CADPS: variants seen among roughly 807,000 people sequenced by gnomAD.
CADPS encodes the protein calcium dependent secretion activator.
CADPS carries 57 observed loss-of-function variants against 167.3 expected under a neutral mutation model. The observed-to-expected ratio is 0.34, with a 90% CI of 0.28 to 0.42. The LOEUF is 0.42. Ranked by LOEUF, CADPS falls within the 20% of genes least tolerant of loss-of-function variation. The pLI, the probability that CADPS is intolerant of heterozygous loss-of-function variation, is 1.00. For missense variants in CADPS, 1,414 were observed against 1,738.1 expected (o/e 0.81, Z 3.32); for synonymous variants, 676 against 635.3 (o/e 1.06, Z -0.96).
intron 3 of CADPS, among the ~76,000 whole-genome samples, chr3:62,720,476 C>T (rs1339982670): frequency 6.6e-6 from 1 of 151,990 alleles, no homozygotes; most frequent in East Asian, 1.9e-4. Flanking sequence ...GGACTACAGA[C>T]ATGCATGTAC....
At chr3:62,488,995 C>T (rs931576088) in intron 21 of CADPS, among the ~76,000 whole-genome samples, 1 of 152,090 alleles carries the variant, frequency 6.6e-6, no homozygotes, top group Non-Finnish European at 1.5e-5. Flanking sequence ...CTTTAAATTG[C>T]CCATGCAAGA....
rs767272938 is a variant in CADPS at position 62,532,744 on chromosome 3, TGTG to T, written c.2291+124_2291+126del. The T allele has an allele frequency of 2.1e-4, 137 of 650,396 alleles. 2 individuals carry two copies. The highest frequency in any genetic ancestry group is 8.6e-4 in the Middle Eastern group (2 of 2,314). 40.3% of individuals were successfully genotyped at this position (650,396 alleles called of 1,614,324 possible). On this transcript the variant is annotated intron_variant, in intron 13 of 29. Transcript: ENST00000383710. ...GTGTGTGTGTGTGTGTGTGTGTGTG[TGTG>T]TGTACGTGTGCACATACCACCGAAG...
intron 3 of CADPS, among the ~76,000 whole-genome samples, chr3:62,680,152 G>A (rs1272908980): frequency 6.6e-6 from 1 of 152,020 alleles, no homozygotes; most frequent in Non-Finnish European, 1.5e-5. Context: ...AAAAGGTGGA[G>A]CAGCTGCAGA....
chr3:62,477,662 C>CAAAA (rs1439190210), intron 23 of CADPS, among the ~76,000 whole-genome samples: 2 of 152,122 alleles, frequency 1.3e-5, no homozygotes, highest in Non-Finnish European at 2.9e-5. Flanking sequence ...GCCACAGTGA[C>CAAAA]AAAACAGGGA....
chr3:62,583,098 T>C (rs975621162), intron 8 of CADPS, among the ~76,000 whole-genome samples: 5 of 152,098 alleles, frequency 3.3e-5, no homozygotes, highest in African/African-American at 1.2e-4. Context: ...AGAGGACAGA[T>C]ACATTCATTC....
At chr3:62,689,510 T>A (rs970807982) in intron 3 of CADPS, among the ~76,000 whole-genome samples, 1 of 152,066 alleles carries the variant, frequency 6.6e-6, no homozygotes, top group Non-Finnish European at 1.5e-5. Flanking sequence ...AATGCCAGTG[T>A]CCTGGGGCTC....
intron 24 of CADPS, among the ~76,000 whole-genome samples, chr3:62,473,326 G>A (rs1576507194): frequency 6.6e-6 from 1 of 152,262 alleles, no homozygotes; most frequent in East Asian, 1.9e-4. Flanking sequence ...AAAAATGGAA[G>A]GTGCTGAAAG....
intron 1 of CADPS, among the ~76,000 whole-genome samples, chr3:62,815,720 C>G (rs2094581393): frequency 6.6e-6 from 1 of 152,096 alleles, no homozygotes; most frequent in Non-Finnish European, 1.5e-5. Flanking sequence ...GGCAAAACAA[C>G]TGATAGGGCT....
At chr3:62,568,196 G>C (rs1416802659) in intron 9 of CADPS, among the ~76,000 whole-genome samples, 3 of 152,212 alleles carry the variant, frequency 2.0e-5, no homozygotes, top group South Asian at 2.1e-4. Context: ...TCCAGGACTT[G>C]TGATGGTTAA....
At position 62,674,010 on chromosome 3, in the gene CADPS, TAAG is replaced by T. The variant is rs1318701238; in HGVS notation, c.889-11619_889-11617del. ...GCTAAAAAATACCTGCTCTTTATTT[TAAG>T]AAGAAGTGAACCTCATTTTCAAACA... is the stretch of plus-strand genomic sequence containing the variant. On this transcript the variant is annotated intron_variant, in intron 3 of 29. Coordinates refer to ENST00000383710, the MANE Select transcript of CADPS (RefSeq NM_003716.4). Among the ~76,000 whole-genome samples, 8 of 152,292 alleles carry T rather than the reference TAAG, an allele frequency of 5.3e-5. No homozygotes were observed. The East Asian group carries it at 1.2e-3, about 22-fold the overall frequency.
intron 7 of CADPS, among the ~76,000 whole-genome samples, chr3:62,592,300 A>C (rs1186553542): frequency 2.0e-5 from 3 of 152,190 alleles, no homozygotes; most frequent in East Asian, 3.9e-4. Context: ...GTGGGCAGGC[A>C]GTTAAATCAT....
chr3:62,576,067 T>G (rs1429315997), intron 8 of CADPS, among the ~76,000 whole-genome samples: 1 of 152,154 alleles, frequency 6.6e-6, no homozygotes, highest in Non-Finnish European at 1.5e-5. Flanking sequence ...GGAAGTTCTG[T>G]TATTGCAGAC....
chr3:62,733,134 A>G (rs2078257510), intron 3 of CADPS, among the ~76,000 whole-genome samples: 1 of 152,222 alleles, frequency 6.6e-6, no homozygotes, highest in Non-Finnish European at 1.5e-5. Flanking sequence ...CATAAACCAG[A>G]AATCAGGCCA....
chr3:62,813,504 T>TA (rs1260242824), intron 1 of CADPS, among the ~76,000 whole-genome samples: 1 of 151,978 alleles, frequency 6.6e-6, no homozygotes, highest in Non-Finnish European at 1.5e-5. Context: ...CTAAAATTAT[T>TA]AAAATCATAG....
chr3:62,415,726 A>G lies in CADPS; in HGVS notation c.3778-12541T>C, dbSNP rs1221563909. On this transcript the variant is annotated intron_variant, in intron 28 of 29. Coordinates refer to ENST00000383710, the MANE Select transcript of CADPS (RefSeq NM_003716.4). The stretch of plus-strand genomic sequence containing the variant: ...CCATACAACAGATTGAGCCTCGTAT[A>G]AAGGCCTGAGACTGTGCAAGGGTTC... 2.0e-5 allele frequency among the ~76,000 whole-genome samples: 3 copies of G among 152,132 alleles called. No homozygotes were observed. The East Asian group carries it at 5.8e-4, about 29-fold the overall frequency.
Position 62,650,872 on chromosome 3 carries a change from T to G in CADPS, c.1178A>C (p.Asp393Ala). The G allele has an allele frequency of 6.2e-7, 1 of 1,613,944 alleles. No homozygotes were observed. Among genetic ancestry groups the G allele is most frequent in the Non-Finnish European group, 8.5e-7 (1 of 1,179,922 alleles). ...CTCCAATGAGAAAGACAGCACGACATCTGACTTGGAGAGCTGGTTCTCACT... is the reference window on the plus strand; with the variant it reads ...CTCCAATGAGAAAGACAGCACGACAGCTGACTTGGAGAGCTGGTTCTCACT... Reference protein sequence around the residue: ...EESENQLSKSDVVLSFSLEVV... With the variant: ...EESENQLSKSAVVLSFSLEVV... The change falls in exon 5 of 30, where the codon GAT becomes GCT. Residue 393 changes from aspartate to alanine, a missense_variant. By Grantham distance (126) the Asp-to-Ala change is moderately radical. This residue lies in a region of CADPS where 522 missense variants were observed against 559.5 expected (regional missense o/e 0.93). Coordinates refer to ENST00000383710, the MANE Select transcript of CADPS (RefSeq NM_003716.4).
intron 4 of CADPS, among the ~76,000 whole-genome samples, chr3:62,660,207 G>T (rs1197881247): frequency 6.6e-6 from 1 of 152,092 alleles, no homozygotes; most frequent in Non-Finnish European, 1.5e-5. Flanking sequence ...TAAATTAAAG[G>T]TGCCATGAGC....
intron 1 of CADPS, among the ~76,000 whole-genome samples, chr3:62,833,399 C>T (rs1431231951): frequency 6.6e-6 from 1 of 151,784 alleles, no homozygotes; most frequent in Admixed American, 6.6e-5. Flanking sequence ...AAGCAATCCT[C>T]CTGCCTCAGC....
chr3:62,569,581 A>G (rs1174793576), intron 9 of CADPS, among the ~76,000 whole-genome samples: 1 of 152,240 alleles, frequency 6.6e-6, no homozygotes, highest in Non-Finnish European at 1.5e-5. Flanking sequence ...ATCTATAGAC[A>G]GTCTAGTCTT....
Sources: gnomAD v4.1 joint callset for allele counts (sites outside exome capture counted in the v4.1 genomes callset) on GRCh38, gnomAD v4.1.1 for gene constraint, gnomAD v4.1.1 regional missense constraint, MANE v1.5 for transcripts, NCBI Gene and HGNC (gene_info 2026-07-23, HGNC 2026-07-21) for gene names.